Variants in MZT1 observed in about 807,000 individuals in gnomAD.
The protein encoded by MZT1 is mitotic spindle organizing protein 1.
Under a neutral mutation model 8.5 loss-of-function variants are expected in MZT1, and 8 were observed. The observed-to-expected ratio is 0.94, with a 90% confidence interval of 0.55 to 1.70. The LOEUF (loss-of-function observed/expected upper bound fraction) is 1.70, where lower values mean the gene tolerates loss of function less well. MZT1 is among the 40% of genes most tolerant of loss of function. The pLI is 0.00. For missense variants in MZT1, 93 were observed against 108.6 expected (o/e 0.86, Z 0.64); for synonymous variants, 38 against 42.0 (o/e 0.90, Z 0.37).
chr13:72,722,269 A>G (rs961545149), intron 1 of MZT1, among the ~76,000 whole-genome samples: 1 of 152,198 alleles, frequency 6.6e-6, no homozygotes, highest in Non-Finnish European at 1.5e-5. Context: ...CATTCTCGAA[A>G]GTGAGGATAA....
intron 1 of MZT1, among the ~76,000 whole-genome samples, chr13:72,724,919 G>T (rs988007331): frequency 6.7e-6 from 1 of 148,792 alleles, no homozygotes; most frequent in African/African-American, 2.5e-5. Context: ...GGGCGTGGTG[G>T]CGGGCGCCTA....
At chr13:72,716,637 A>C (rs1233230836) in intron 2 of MZT1, among the ~76,000 whole-genome samples, 1 of 152,134 alleles carries the variant, frequency 6.6e-6, no homozygotes, top group Non-Finnish European at 1.5e-5. Context: ...CTATGAGCCC[A>C]TGTTTTGGAC....
chr13:72,711,590 A>G (rs2032489279), intron 2 of MZT1, among the ~76,000 whole-genome samples: 1 of 152,176 alleles, frequency 6.6e-6, no homozygotes, highest in Admixed American at 6.5e-5. Flanking sequence ...TTCCAAAAAA[A>G]GAGACAATAA....
Position 72,710,704 on chromosome 13 carries a change from A to C in MZT1, c.226-359T>G, listed in dbSNP as rs561198916. Among the ~76,000 whole-genome samples, 107 of 152,260 alleles carry C rather than the reference A, an allele frequency of 7.0e-4. 1 individual carries two copies. Among genetic ancestry groups the C allele is most frequent in the African/African-American group, 2.5e-3 (103 of 41,578 alleles). ...ATTCTAGTAATAGGGATTAAAAATG[A>C]AAAAGACCTTTCATGCTACAAGGCA... On this transcript the variant is annotated intron_variant, in intron 2 of 2. Transcript: ENST00000377818.
Position 72,709,772 on chromosome 13 carries a change from A to G in MZT1, c.*550T>C, listed in dbSNP as rs2032468972. On this transcript the variant is annotated 3_prime_UTR_variant, in exon 3 of 3. Transcript: ENST00000377818. Reference sequence around the variant, plus strand: ...GAGTAGATTACAAGAAATGTTTTCCATGCTCTTATTTCAAAAAACAAGATT... The same window carrying G: ...GAGTAGATTACAAGAAATGTTTTCCGTGCTCTTATTTCAAAAAACAAGATT... 6.6e-6 allele frequency: 1 copy of G among 152,172 alleles called. No homozygotes were observed. The highest frequency in any genetic ancestry group is 6.5e-5 in the Admixed American group (1 of 15,282). The allele number at this position is 152,172 out of a possible 1,614,324, so 9.4% of individuals were successfully genotyped here.
rs2032624944 is a variant in MZT1 at position 72,724,723 on chromosome 13, T to TAG, written c.79+2800_79+2801insCT. ...CTAAATATATATATATATATACATA[T>TAG]ATATATATATATATATACACATATA... On this transcript the variant is annotated intron_variant, in intron 1 of 2. Coordinates refer to ENST00000377818, the MANE Select transcript of MZT1 (RefSeq NM_001071775.3). Among the ~76,000 whole-genome samples, 2 of 30,020 alleles carry TAG rather than the reference T, an allele frequency of 6.7e-5. 1 individual carries two copies. Among genetic ancestry groups the TAG allele is most frequent in the Non-Finnish European group, 3.4e-4 (2 of 5,918 alleles). The allele number at this position is 30,020 out of a possible 152,430, so 19.7% of individuals were successfully genotyped here. A position where few individuals can be genotyped will look rare whatever the true frequency, so the allele number is the denominator to read the frequency against.
In MZT1 at chr13:72,716,622, C is replaced by T. The variant is rs9573016; in HGVS notation, c.225+2330G>A. On this transcript the variant is annotated intron_variant, in intron 2 of 2. Coordinates refer to ENST00000377818, the MANE Select transcript of MZT1 (RefSeq NM_001071775.3). ...TTTGTTTGTTTTTCCCCCCATTGAC[C>T]GTCTCTATGAGCCCATGTTTTGGAC... is the stretch of plus-strand genomic sequence containing the variant. Among the ~76,000 whole-genome samples the T allele has an allele frequency of 3.0e-4, 46 of 152,118 alleles. No individual in the cohort carries two copies. The East Asian group carries it at 6.8e-3, about 22-fold the overall frequency.
chr13:72,716,518 C>T (rs1337814577), intron 2 of MZT1, among the ~76,000 whole-genome samples: 1 of 152,018 alleles, frequency 6.6e-6, no homozygotes, highest in Non-Finnish European at 1.5e-5. Context: ...ATGTAAATTG[C>T]ATGTTTTAAA....
chr13:72,717,600 T>C (rs1374296567), intron 2 of MZT1, among the ~76,000 whole-genome samples: 1 of 152,134 alleles, frequency 6.6e-6, no homozygotes, highest in Non-Finnish European at 1.5e-5. Flanking sequence ...TGGTGTCCCA[T>C]AGTGTTGGGA....
chr13:72,717,981 C>T (rs1037523965), intron 2 of MZT1, among the ~76,000 whole-genome samples: 3 of 152,186 alleles, frequency 2.0e-5, no homozygotes, highest in African/African-American at 7.2e-5. Context: ...TACAGCAACA[C>T]CCCACTTCCC....
intron 1 of MZT1, among the ~76,000 whole-genome samples, chr13:72,722,288 C>T (rs543162674): frequency 4.3e-4 from 65 of 152,238 alleles, no homozygotes; most frequent in East Asian, 9.7e-4. Context: ...AATAAGAGTA[C>T]CTGTTTTAAA....
intron 1 of MZT1, among the ~76,000 whole-genome samples, chr13:72,724,374 G>A (rs950732917): frequency 3.3e-5 from 5 of 151,900 alleles, no homozygotes. Context: ...TGAAGAACAG[G>A]AGGCAGAGGA....
chr13:72,727,519 C>T lies in MZT1; in HGVS notation c.79+5G>A, dbSNP rs1244870215. The T allele has an allele frequency of 1.2e-6, 2 of 1,613,568 alleles. No homozygotes were observed. The highest frequency in any genetic ancestry group is 8.5e-7 in the Non-Finnish European group (1 of 1,179,778). On this transcript the variant is annotated splice_donor_5th_base_variant and intron_variant, in intron 1 of 2. Coordinates refer to ENST00000377818, the MANE Select transcript of MZT1 (RefSeq NM_001071775.3). ...CAAGGTAAAGGGAGCGCAACGGAAA[C>T]TCACCGTCCATGGTCTCCCGCACCG...
chr13:72,710,128 T>A lies in MZT1; in HGVS notation c.*194A>T. The A allele has an allele frequency of 1.7e-6, 1 of 587,454 alleles. No individual in the cohort carries two copies. Among genetic ancestry groups the A allele is most frequent in the Non-Finnish European group, 3.0e-6 (1 of 328,868 alleles). The allele number at this position is 587,454 out of a possible 1,614,324, so 36.4% of individuals were successfully genotyped here. A position where few individuals can be genotyped will look rare whatever the true frequency, so the allele number is the denominator to read the frequency against. On this transcript the variant is annotated 3_prime_UTR_variant, in exon 3 of 3. Transcript: ENST00000377818. ...TAAAAAAAGTGAATAAGATGTGATG[T>A]AAACACATCTGATAGTTCTCTCTGT...
chr13:72,714,994 C>T (rs1256976454), intron 2 of MZT1, among the ~76,000 whole-genome samples: 2 of 152,286 alleles, frequency 1.3e-5, no homozygotes, highest in East Asian at 1.9e-4. Context: ...CACCGTTCTC[C>T]AACCCCAGAA....
At chr13:72,724,823 G>A (rs1169253081) in intron 1 of MZT1, among the ~76,000 whole-genome samples, 3 of 143,296 alleles carry the variant, frequency 2.1e-5, no homozygotes, top group Admixed American at 7.1e-5. Flanking sequence ...AGGCTGAGGC[G>A]GGTGGATCAC....
intron 2 of MZT1, among the ~76,000 whole-genome samples, chr13:72,711,725 A>T (rs1382096142): frequency 6.6e-6 from 1 of 152,156 alleles, no homozygotes; most frequent in African/African-American, 2.4e-5. Context: ...ATGAGAAAAA[A>T]ATTCATGAGC....
At position 72,709,492 on chromosome 13, in the gene MZT1, T is replaced by C. The variant is rs1030238308; in HGVS notation, c.*830A>G. Reference sequence around the variant, plus strand: ...AATAAAAGTAAATAGGAATTTTGCATGTTTGTTGTTTCATTTTACAAATTT... The same window carrying C: ...AATAAAAGTAAATAGGAATTTTGCACGTTTGTTGTTTCATTTTACAAATTT... On this transcript the variant is annotated 3_prime_UTR_variant, in exon 3 of 3. Transcript: ENST00000377818. 7.2e-5 allele frequency: 11 copies of C among 152,226 alleles called. No individual in the cohort carries two copies. The East Asian group carries it at 2.1e-3, about 29-fold the overall frequency. 9.4% of individuals were successfully genotyped at this position (152,226 alleles called of 1,614,324 possible).
intron 1 of MZT1, among the ~76,000 whole-genome samples, chr13:72,722,940 T>C (rs527763482): frequency 5.3e-5 from 8 of 152,320 alleles, no homozygotes; most frequent in Non-Finnish European, 1.0e-4. Context: ...TATTTTTGAC[T>C]GTCTTCACAA....
Sources: gnomAD v4.1 joint callset for allele counts (sites outside exome capture counted in the v4.1 genomes callset) on GRCh38, gnomAD v4.1.1 for gene constraint, MANE v1.5 for transcripts, NCBI Gene and HGNC (gene_info 2026-07-23, HGNC 2026-07-21) for gene names.